Variants in CPEB3 observed in about 807,000 individuals in gnomAD.
CPEB3 encodes the protein cytoplasmic polyadenylation element binding protein 3, also known as cytoplasmic polyadenylation element-binding protein 3.
CPEB3 carries 20 observed loss-of-function variants against 67.2 expected under a neutral mutation model. The ratio of observed to expected loss-of-function variants is 0.30; its 90% CI spans 0.21 to 0.43. The LOEUF (loss-of-function observed/expected upper bound fraction) is 0.43. Ranked by LOEUF, CPEB3 falls within the 20% of genes least tolerant of loss-of-function variation. CPEB3 has a pLI of 1.00. For missense variants in CPEB3, 746 were observed against 968.6 expected, an observed-to-expected ratio of 0.77 and a Z score of 3.05; for synonymous variants, 376 against 393.1, an observed-to-expected ratio of 0.96 and a Z score of 0.51.
intron 2 of CPEB3, among the ~76,000 whole-genome samples, chr10:92,236,529 C>T (rs1851539868): frequency 6.6e-6 from 1 of 152,144 alleles, no homozygotes; most frequent in Admixed American, 6.6e-5. Flanking sequence ...AGGTGGATCA[C>T]CTGAGGTCAG....
chr10:92,106,717 A>G (rs1303140210), intron 7 of CPEB3, among the ~76,000 whole-genome samples: 1 of 149,770 alleles, frequency 6.7e-6, no homozygotes, highest in African/African-American at 2.5e-5. Context: ...TGGGAGACTA[A>G]GGCAGGTGAA....
intron 2 of CPEB3, among the ~76,000 whole-genome samples, chr10:92,193,676 A>G (rs1251525299): frequency 6.6e-6 from 1 of 151,626 alleles, no homozygotes; most frequent in East Asian, 2.0e-4. Flanking sequence ...GCTGGTCTGG[A>G]ATTCCTGAGT....
chr10:92,078,390 C>G (rs1843014322), intron 9 of CPEB3, among the ~76,000 whole-genome samples: 1 of 152,140 alleles, frequency 6.6e-6, no homozygotes, highest in Non-Finnish European at 1.5e-5. Flanking sequence ...ACCTTTCGAC[C>G]TGCCTTAAGA....
At chr10:92,099,289 G>C (rs1844055136) in intron 7 of CPEB3, among the ~76,000 whole-genome samples, 1 of 147,488 alleles carries the variant, frequency 6.8e-6, no homozygotes, top group Non-Finnish European at 1.5e-5. Context: ...AGTACATGGA[G>C]TACAGGCATG....
Position 92,240,156 on chromosome 10 carries a change from G to A in CPEB3, c.195C>T (p.Pro65=), listed in dbSNP as rs772956128. ...ALSPAAAPPA[P]NGPDKMQMES... ...CCATCTGCATCTTGTCCGGGCCGTT[G>A]GGGGCCGGGGGGGCAGCGGCTGGGC... Residue 65 remains proline (P), a synonymous_variant, in exon 2 of 10, where the codon CCC becomes CCT. Transcript: ENST00000265997. The A allele has an allele frequency of 2.6e-6, 4 of 1,550,726 alleles. No homozygotes were observed. Among genetic ancestry groups the A allele is most frequent in the Non-Finnish European group, 2.6e-6 (3 of 1,146,714 alleles).
At chr10:92,233,554 T>A (rs1289413972) in intron 2 of CPEB3, among the ~76,000 whole-genome samples, 10 of 134,562 alleles carry the variant, frequency 7.4e-5, no homozygotes, top group South Asian at 2.3e-4. Context: ...AAAAAGGAAA[T>A]GGACAGAACA....
rs1275570554 is a variant in CPEB3, at chr10:92,192,624, G to A, written c.1018C>T (p.Pro340Ser). 6.3e-7 allele frequency: 1 copy of A among 1,599,824 alleles called. No homozygotes were observed. Among genetic ancestry groups the A allele is most frequent in the East Asian group, 2.2e-5 (1 of 44,690 alleles). ...NLLPFQDRSR[P>S]YDTFNLHSLE... ...GAGTGCAAGTTAAAAGTATCATAGG[G>A]CCTACTCCGGTCCTAAGAATAAAAA... is the stretch of plus-strand genomic sequence containing the variant. The change falls in exon 3 of 10, where the codon CCC becomes TCC. Residue 340 changes from proline to serine, a missense_variant. Physicochemically the swap from Pro to Ser is moderately conservative, Grantham distance 74 (BLOSUM62 -1). Transcript: ENST00000265997.
At chr10:92,277,913 A>G (rs532402747) in intron 1 of CPEB3, among the ~76,000 whole-genome samples, 43 of 148,670 alleles carry the variant, frequency 2.9e-4, no homozygotes, top group Non-Finnish European at 5.0e-4. Context: ...GGCCGGGTGC[A>G]GTGGCTCATG....
intron 7 of CPEB3, among the ~76,000 whole-genome samples, chr10:92,095,970 G>A (rs1270783941): frequency 6.6e-6 from 1 of 151,356 alleles, no homozygotes; most frequent in African/African-American, 2.4e-5. Flanking sequence ...CCACCTCCCA[G>A]GTTCAAGCAA....
intron 1 of CPEB3, among the ~76,000 whole-genome samples, chr10:92,277,648 T>C (rs1842050015): frequency 6.6e-6 from 1 of 152,136 alleles, no homozygotes; most frequent in African/African-American, 2.4e-5. Flanking sequence ...CCGAGCACGT[T>C]GGGAGGTCAA....
intron 2 of CPEB3, among the ~76,000 whole-genome samples, 172 bp from the exon 3 acceptor site, chr10:92,192,808 G>C (rs1849046960): frequency 6.6e-6 from 1 of 152,232 alleles, no homozygotes; most frequent in Non-Finnish European, 1.5e-5. Context: ...TGTAGAGATG[G>C]GGTCTCGCTA....
At chr10:92,118,984 A>G in intron 6 of CPEB3, 1 of 1,511,426 alleles carries the variant, frequency 6.6e-7, no homozygotes. Context: ...GTCTGGGGCC[A>G]GCACTGATCC....
intron 2 of CPEB3, among the ~76,000 whole-genome samples, chr10:92,199,418 C>T (rs1172686188): frequency 1.4e-5 from 2 of 146,530 alleles, no homozygotes; most frequent in East Asian, 4.0e-4. Flanking sequence ...AAAGGCCAGG[C>T]GCGGTGGCTC....
chr10:92,236,176 T>C (rs1488760018), intron 2 of CPEB3, among the ~76,000 whole-genome samples: 3 of 152,164 alleles, frequency 2.0e-5, no homozygotes, highest in Non-Finnish European at 4.4e-5. Context: ...ACTAAGTCCC[T>C]CTGAATGGAG....
At chr10:92,227,260 T>C (rs1259872640) in intron 2 of CPEB3, among the ~76,000 whole-genome samples, 2 of 152,320 alleles carry the variant, frequency 1.3e-5, no homozygotes, top group East Asian at 3.9e-4. Context: ...AATCCCTAAT[T>C]CACAAGAACG....
chr10:92,185,957 G>A (rs548086550), intron 3 of CPEB3, among the ~76,000 whole-genome samples: 6 of 152,160 alleles, frequency 3.9e-5, no homozygotes, highest in African/African-American at 1.4e-4. Context: ...TGTGAGCTTA[G>A]ACCTGAGGTC....
intron 7 of CPEB3, among the ~76,000 whole-genome samples, chr10:92,104,159 A>G (rs1478295248): frequency 6.6e-6 from 1 of 152,194 alleles, no homozygotes; most frequent in Non-Finnish European, 1.5e-5. Flanking sequence ...ACTTTAATTA[A>G]AAGACAAAAT....
At chr10:92,187,515 A>G (rs1392830825) in intron 3 of CPEB3, among the ~76,000 whole-genome samples, 1 of 152,238 alleles carries the variant, frequency 6.6e-6, no homozygotes, top group Non-Finnish European at 1.5e-5. Flanking sequence ...GATGCCTGCT[A>G]TACTGGGCTT....
At chr10:92,097,429 C>T (rs1279483988) in intron 7 of CPEB3, among the ~76,000 whole-genome samples, 1 of 152,126 alleles carries the variant, frequency 6.6e-6, no homozygotes, top group African/African-American at 2.4e-5. Context: ...AATCATTTTT[C>T]TTTAGTTTCT....
Sources: gnomAD v4.1 joint callset for allele counts (sites outside exome capture counted in the v4.1 genomes callset) on GRCh38, gnomAD v4.1.1 for gene constraint, MANE v1.5 for transcripts, NCBI Gene and HGNC (gene_info 2026-07-23, HGNC 2026-07-21) for gene names.